SNX24: variants seen among roughly 807,000 people sequenced by gnomAD.
The protein encoded by SNX24 is sorting nexin-24.
In SNX24, 22 loss-of-function variants were observed where a neutral mutation model predicts 28.7. The ratio of observed to expected loss-of-function variants is 0.77; its 90% CI spans 0.55 to 1.10. The LOEUF is 1.10. Ranked by LOEUF, SNX24 falls within the 50% of genes least tolerant of loss-of-function variation. The probability of loss-of-function intolerance (pLI) is 0.00; values close to 1 mark genes in which losing one functional copy is unlikely to be tolerated. For missense variants in SNX24, 221 were observed against 201.1 expected (o/e 1.10, Z -0.60); for synonymous variants, 69 against 71.5 (o/e 0.96, Z 0.18).
At chr5:123,019,579 A>G (rs1402071970) in intron 5 of SNX24, among the ~76,000 whole-genome samples, 2 of 152,272 alleles carry the variant, frequency 1.3e-5, no homozygotes, top group South Asian at 2.1e-4. Context: ...CTCTTATTTG[A>G]TGATCCAGAA....
chr5:122,965,422 TTTG>T (rs149898707), intron 3 of SNX24: 6,171 of 454,912 alleles, frequency 0.014, 163 homozygotes, highest in African/African-American at 0.065. Context: ...AGATTAATTG[TTTG>T]TTTTGTTCCC....
intron 3 of SNX24, among the ~76,000 whole-genome samples, chr5:122,977,440 T>G (rs543749609): frequency 6.6e-6 from 1 of 151,964 alleles, no homozygotes; most frequent in Non-Finnish European, 1.5e-5. Flanking sequence ...CTGCTCACTT[T>G]ATGGATTACT....
chr5:122,874,415 GA>G (rs1163562448), intron 1 of SNX24, among the ~76,000 whole-genome samples: 2 of 152,336 alleles, frequency 1.3e-5, no homozygotes, highest in Non-Finnish European at 1.5e-5. Context: ...AAAGCTGTGT[GA>G]AAGATAGGAA....
intron 2 of SNX24, among the ~76,000 whole-genome samples, chr5:122,937,701 G>T (rs1260874876): frequency 6.6e-6 from 1 of 152,132 alleles, no homozygotes; most frequent in Admixed American, 6.5e-5. Context: ...TGTTAGGACG[G>T]CAAGGGATAA....
At chr5:122,907,607 G>C (rs980900389) in intron 1 of SNX24, among the ~76,000 whole-genome samples, 2 of 151,866 alleles carry the variant, frequency 1.3e-5, no homozygotes, top group Middle Eastern at 3.4e-3. Context: ...TATACTTTGC[G>C]GTCATTTATC....
chr5:122,961,142 A>T (rs1045075585), intron 3 of SNX24, among the ~76,000 whole-genome samples: 5 of 152,132 alleles, frequency 3.3e-5, no homozygotes, highest in Non-Finnish European at 5.9e-5. Context: ...CCTTTAATCC[A>T]CATCTGACAA....
chr5:122,866,799 C>A (rs1408694167), intron 1 of SNX24, among the ~76,000 whole-genome samples: 1 of 152,122 alleles, frequency 6.6e-6, no homozygotes, highest in Non-Finnish European at 1.5e-5. Flanking sequence ...CCATTTTTGC[C>A]TGTTGATTTA....
intron 1 of SNX24, among the ~76,000 whole-genome samples, chr5:122,865,101 G>GA (rs892951483): frequency 1.3e-5 from 2 of 152,212 alleles, no homozygotes; most frequent in African/African-American, 4.8e-5. Context: ...CTAAGGAGAA[G>GA]ACTGTGGGTA....
intron 3 of SNX24, among the ~76,000 whole-genome samples, chr5:122,980,539 A>C (rs1454507066): frequency 1.3e-5 from 2 of 152,008 alleles, no homozygotes. Context: ...GTTGCATTTC[A>C]TATTTTTGAC....
intron 1 of SNX24, among the ~76,000 whole-genome samples, chr5:122,887,733 G>A (rs1192846836): frequency 1.3e-5 from 2 of 152,070 alleles, no homozygotes; most frequent in African/African-American, 4.8e-5. Context: ...ATGGAGTTTC[G>A]CTCTTGTTGC....
intron 1 of SNX24, among the ~76,000 whole-genome samples, chr5:122,867,268 A>G (rs1755763304): frequency 6.6e-6 from 1 of 152,212 alleles, no homozygotes; most frequent in African/African-American, 2.4e-5. Context: ...TTCATTTGCT[A>G]TGAAATCAGT....
chr5:122,956,236 G>T (rs149488884), intron 3 of SNX24, among the ~76,000 whole-genome samples: 1 of 152,004 alleles, frequency 6.6e-6, no homozygotes, highest in African/African-American at 2.4e-5. Context: ...GGTGCCAGCC[G>T]CTTCCTGGGA....
chr5:122,894,339 T>C (rs900977468), intron 1 of SNX24, among the ~76,000 whole-genome samples: 1 of 152,164 alleles, frequency 6.6e-6, no homozygotes, highest in African/African-American at 2.4e-5. Flanking sequence ...ATCCCTAATA[T>C]ATCTCCATCT....
chr5:122,996,592 C>G (rs2150171683), intron 3 of SNX24, among the ~76,000 whole-genome samples: 1 of 152,252 alleles, frequency 6.6e-6, no homozygotes, highest in Non-Finnish European at 1.5e-5. Flanking sequence ...AACAACAATA[C>G]TCAAAGAAAA....
At chr5:122,922,874 G>T (rs1402567568) in intron 1 of SNX24, among the ~76,000 whole-genome samples, 1 of 152,072 alleles carries the variant, frequency 6.6e-6, no homozygotes, top group Admixed American at 6.6e-5. Context: ...TTTTACTTCA[G>T]TGATAGACTT....
At chr5:122,979,624 G>C (rs762707734) in intron 3 of SNX24, among the ~76,000 whole-genome samples, 1 of 152,198 alleles carries the variant, frequency 6.6e-6, no homozygotes, top group Non-Finnish European at 1.5e-5. Context: ...CACTTATGCA[G>C]ATGTCTCCAG....
chr5:122,887,727 A>T (rs1393539781), intron 1 of SNX24, among the ~76,000 whole-genome samples: 1 of 152,044 alleles, frequency 6.6e-6, no homozygotes. Context: ...TTTGAGATGG[A>T]GTTTCGCTCT....
chr5:122,904,334 C>T lies in SNX24; in HGVS notation c.61-32400C>T, dbSNP rs1008505104. 6.6e-5 allele frequency among the ~76,000 whole-genome samples: 10 copies of T among 152,024 alleles called. No individual in the cohort carries two copies. The South Asian group carries it at 8.3e-4, about 13-fold the overall frequency. ...AGTAGCTGGGATTACAGGCATGTGC[C>T]GCCACACCCTGCTAATTTTTGTATT... On this transcript the variant is annotated intron_variant, in intron 1 of 6. Coordinates refer to ENST00000261369, the MANE Select transcript of SNX24 (RefSeq NM_014035.4).
intron 1 of SNX24, among the ~76,000 whole-genome samples, chr5:122,899,501 C>T (rs1455059251): frequency 6.6e-6 from 1 of 152,144 alleles, no homozygotes; most frequent in East Asian, 1.9e-4. Flanking sequence ...CTCGAATTCG[C>T]AGGCTCCATC....
Sources: gnomAD v4.1 joint callset for allele counts (sites outside exome capture counted in the v4.1 genomes callset) on GRCh38, gnomAD v4.1.1 for gene constraint, MANE v1.5 for transcripts, NCBI Gene and HGNC (gene_info 2026-07-23, HGNC 2026-07-21) for gene names.